The following SERGEF variants were observed in gnomAD, a reference collection of about 807,000 sequenced individuals.
SERGEF encodes secretion regulating guanine nucleotide exchange factor.
SERGEF carries 51 observed loss-of-function variants against 50.0 expected under a neutral mutation model. The observed-to-expected ratio is 1.02, with a 90% CI of 0.81 to 1.29. SERGEF has a LOEUF of 1.29. Ranked by LOEUF, SERGEF falls within the 50% of genes most tolerant of loss-of-function variation. The pLI, the probability that SERGEF is intolerant of heterozygous loss-of-function variation, is 0.00. For missense variants in SERGEF, 521 were observed against 557.0 expected (o/e 0.94, Z 0.65); for synonymous variants, 205 against 212.4 (o/e 0.97, Z 0.30).
At chr11:17,828,087 G>A (rs1404373509) in intron 10 of SERGEF, among the ~76,000 whole-genome samples, 1 of 152,184 alleles carries the variant, frequency 6.6e-6, no homozygotes, top group Admixed American at 6.5e-5. Flanking sequence ...GGAGCTAGGG[G>A]CTAGTGAAGG....
chr11:17,797,508 T>A (rs1849590944), intron 10 of SERGEF, among the ~76,000 whole-genome samples: 1 of 152,194 alleles, frequency 6.6e-6, no homozygotes, highest in African/African-American at 2.4e-5. Flanking sequence ...CCCTGACAAC[T>A]TTATATGAAA....
At chr11:17,953,319 C>T (rs1351772596) in intron 9 of SERGEF, among the ~76,000 whole-genome samples, 1 of 152,212 alleles carries the variant, frequency 6.6e-6, no homozygotes, top group African/African-American at 2.4e-5. Flanking sequence ...GACAGATAGG[C>T]ATACTCAAGC....
Position 18,003,584 on chromosome 11 carries a change from A to G in SERGEF, c.447+857T>C, listed in dbSNP as rs541808771. ...CTGGGAATGGTGCCAGGCACCTGTA[A>G]TCCCAGCTACTCGGGAGGCCGAGGC... On this transcript the variant is annotated intron_variant, in intron 4 of 10. Transcript: ENST00000265965. Among the ~76,000 whole-genome samples the G allele has an allele frequency of 1.6e-4, 24 of 152,324 alleles. No individual in the cohort carries two copies. The East Asian group carries it at 4.4e-3, about 28-fold the overall frequency.
chr11:17,946,611 C>T (rs1217550694), intron 9 of SERGEF, among the ~76,000 whole-genome samples: 1 of 152,122 alleles, frequency 6.6e-6, no homozygotes, highest in African/African-American at 2.4e-5. Context: ...CATTATACAG[C>T]AGTAACTACA....
chr11:17,945,758 C>T (rs1391887717), intron 9 of SERGEF, among the ~76,000 whole-genome samples: 1 of 152,056 alleles, frequency 6.6e-6, no homozygotes, highest in Admixed American at 6.6e-5. Context: ...ACCAGACTGA[C>T]CAACATGGAG....
rs190273846 is a variant in SERGEF, at chr11:17,993,764, A to T, written c.623-771T>A. 6.6e-5 allele frequency among the ~76,000 whole-genome samples: 10 copies of T among 152,250 alleles called. No homozygotes were observed. The East Asian group carries it at 1.9e-3, about 29-fold the overall frequency. On this transcript the variant is annotated intron_variant, in intron 6 of 10. Transcript: ENST00000265965. Reference sequence around the variant, plus strand: ...AAAGCAGATGTTTTCACCCATGTTCACCAGAGAGGAAGTACTGGGCCCCTA... The same window carrying T: ...AAAGCAGATGTTTTCACCCATGTTCTCCAGAGAGGAAGTACTGGGCCCCTA...
chr11:17,995,977 A>C, intron 5 of SERGEF, 68 bp from the exon 6 acceptor site: 2 of 1,046,108 alleles, frequency 1.9e-6, no homozygotes, highest in Non-Finnish European at 2.9e-6. Flanking sequence ...TGCTCTTTGA[A>C]CCTCACTGCT....
intron 7 of SERGEF, 66 bp from the exon 8 acceptor site, chr11:17,988,821 A>G: frequency 6.7e-7 from 1 of 1,495,998 alleles, no homozygotes; most frequent in Non-Finnish European, 9.2e-7. Context: ...GGAAAATAAC[A>G]GAAGTCTAAA....
rs1325342674 is a variant in SERGEF at position 17,991,699 on chromosome 11, T to C, written c.685+1232A>G. Among the ~76,000 whole-genome samples, 1 of 152,240 alleles carries C rather than the reference T, an allele frequency of 6.6e-6. No individual in the cohort carries two copies. Among genetic ancestry groups the C allele is most frequent in the Non-Finnish European group, 1.5e-5 (1 of 68,036 alleles). On this transcript the variant is annotated intron_variant, in intron 7 of 10. Transcript: ENST00000265965. This position sits in a 1 kb window ranked among gnomAD's most constrained non-coding sequence, Gnocchi z 4.9. ...AGATGTTTGTTTTAAATTCATTAAA[T>C]GACAAATTATCTGCAGCTCAGAATT...
At chr11:17,924,887 A>G (rs762955401) in intron 9 of SERGEF, among the ~76,000 whole-genome samples, 1 of 152,180 alleles carries the variant, frequency 6.6e-6, no homozygotes, top group Non-Finnish European at 1.5e-5. Context: ...ATGAATATGG[A>G]AAATTCCAGC....
chr11:17,790,488 C>T (rs1849466904), intron 10 of SERGEF, among the ~76,000 whole-genome samples: 1 of 151,958 alleles, frequency 6.6e-6, no homozygotes, highest in South Asian at 2.1e-4. Context: ...TACCCATGTC[C>T]CTTCTGATGG....
In SERGEF at chr11:17,924,157, A is replaced by G. The variant is rs141173189; in HGVS notation, c.1011+35313T>C. Among the ~76,000 whole-genome samples the G allele has an allele frequency of 5.9e-5, 9 of 152,386 alleles. No individual in the cohort carries two copies. The East Asian group carries it at 1.7e-3, about 29-fold the overall frequency. ...CTAGTGAATGAATTTGGGGCAATGA[A>G]TTTGAGGTAAGAGGGAGAGAAAAAC... is the stretch of plus-strand genomic sequence containing the variant. On this transcript the variant is annotated intron_variant, in intron 9 of 10. Coordinates refer to ENST00000265965, the MANE Select transcript of SERGEF (RefSeq NM_012139.4).
intron 9 of SERGEF, among the ~76,000 whole-genome samples, chr11:17,885,338 T>C (rs77381663): frequency 0.071 from 10,844 of 152,228 alleles, 465 homozygotes; most frequent in African/African-American, 0.11. Context: ...TTTTTGTTTT[T>C]AGAGACAGGG....
intron 9 of SERGEF, among the ~76,000 whole-genome samples, chr11:17,903,395 T>A (rs1376846134): frequency 1.3e-5 from 2 of 152,174 alleles, no homozygotes; most frequent in Non-Finnish European, 2.9e-5. Flanking sequence ...GGACAGAAGA[T>A]AATTAATCTT....
intron 9 of SERGEF, among the ~76,000 whole-genome samples, chr11:17,940,251 T>G (rs1852536220): frequency 6.6e-6 from 1 of 152,140 alleles, no homozygotes; most frequent in Non-Finnish European, 1.5e-5. Context: ...ATTCCTCTCC[T>G]TGTGGGCAAG....
intron 9 of SERGEF, among the ~76,000 whole-genome samples, chr11:17,948,410 G>C (rs1163739870): frequency 1.3e-5 from 2 of 152,140 alleles, no homozygotes; most frequent in East Asian, 3.9e-4. Context: ...GTAGTCTCTT[G>C]ATTCTTCCAA....
intron 10 of SERGEF, among the ~76,000 whole-genome samples, chr11:17,796,165 A>G (rs1405179368): frequency 6.6e-6 from 1 of 152,202 alleles, no homozygotes; most frequent in Non-Finnish European, 1.5e-5. Flanking sequence ...CACAGAGATG[A>G]TTTTAAAAAT....
chr11:17,933,280 G>A (rs1852388640), intron 9 of SERGEF, among the ~76,000 whole-genome samples: 1 of 152,120 alleles, frequency 6.6e-6, no homozygotes, highest in Non-Finnish European at 1.5e-5. Context: ...ACAACTCTTG[G>A]CTTGGAGGGT....
intron 9 of SERGEF, among the ~76,000 whole-genome samples, chr11:17,879,402 T>C (rs968559009): frequency 1.3e-5 from 2 of 152,172 alleles, no homozygotes; most frequent in Admixed American, 1.3e-4. Context: ...TACTCTGGAA[T>C]GTTAATACTG....
Sources: allele counts gnomAD v4.1 joint callset (sites outside exome capture counted in the v4.1 genomes callset), GRCh38; gene constraint gnomAD v4.1.1; non-coding constraint Gnocchi (gnomAD v3.1); transcripts MANE v1.5; gene names NCBI Gene and HGNC (gene_info 2026-07-23, HGNC 2026-07-21).